DAGLB: variants seen among roughly 807,000 people sequenced by gnomAD.
DAGLB encodes diacylglycerol lipase beta.
DAGLB carries 66 observed loss-of-function variants against 72.1 expected under a neutral mutation model. The observed-to-expected ratio is 0.92, with a 90% CI of 0.75 to 1.12. The LOEUF (loss-of-function observed/expected upper bound fraction) is 1.12. Among genes scored for constraint, DAGLB ranks in the 50% most tolerant of loss-of-function variants. The pLI is 0.00. For missense variants in DAGLB, 1,065 were observed against 884.9 expected (o/e 1.20, Z -2.58); for synonymous variants, 414 against 359.5 (o/e 1.15, Z -1.71).
At chr7:6,412,479 G>GT (rs1158530289) in intron 13 of DAGLB, 2 of 227,396 alleles carry the variant, frequency 8.8e-6, no homozygotes, top group Non-Finnish European at 1.7e-5. Flanking sequence ...TTTTTTTTTA[G>GT]AATAGAGACA....
chr7:6,433,040 T>A, intron 4 of DAGLB, 81 bp from the exon 5 acceptor site: 1 of 1,534,894 alleles, frequency 6.5e-7, no homozygotes, highest in African/African-American at 1.4e-5. Context: ...TCTTCTATAG[T>A]TGATAGGCAT....
At chr7:6,432,105 C>G (rs952641335) in intron 5 of DAGLB, among the ~76,000 whole-genome samples, 17 of 152,180 alleles carry the variant, frequency 1.1e-4, no homozygotes, top group African/African-American at 3.9e-4. Context: ...AATCCCAGCA[C>G]TCTGGGAAGC....
At chr7:6,424,196 G>A (rs569468249) in intron 8 of DAGLB, among the ~76,000 whole-genome samples, 51 of 152,316 alleles carry the variant, frequency 3.3e-4, no homozygotes, top group South Asian at 1.7e-3. Flanking sequence ...CAAGGAAAGC[G>A]TCACCTGGCA....
Position 6,421,814 on chromosome 7 carries a change from G to A in DAGLB, c.1141-10C>T, listed in dbSNP as rs182826000. The A allele has an allele frequency of 1.6e-5, 26 of 1,612,164 alleles. No individual in the cohort carries two copies. Among genetic ancestry groups the A allele is most frequent in the Non-Finnish European group, 2.0e-5 (24 of 1,179,282 alleles). ...GGTCCGTAAGGACATCCTGTAAAAA[G>A]GGCGTTGCAGAAGCGGCCGTCAGCC... On this transcript the variant is annotated splice_polypyrimidine_tract_variant and intron_variant, in intron 8 of 14. Transcript: ENST00000297056.
At chr7:6,425,620 T>G (rs1277592372) in intron 7 of DAGLB, among the ~76,000 whole-genome samples, 1 of 151,924 alleles carries the variant, frequency 6.6e-6, no homozygotes, top group African/African-American at 2.4e-5. Context: ...CCCCCCAGAG[T>G]GCCAGACCTG....
At chr7:6,417,198 C>T (rs1783947157) in intron 9 of DAGLB, 1 of 377,844 alleles carries the variant, frequency 2.6e-6, no homozygotes, top group Non-Finnish European at 4.9e-6. Context: ...AGTTCAAGAC[C>T]AGCCTGGGCG....
rs868845432 is a variant in DAGLB, at chr7:6,411,074, C to T, written c.1570-694G>A. 6.6e-5 allele frequency among the ~76,000 whole-genome samples: 10 copies of T among 151,840 alleles called. No individual in the cohort carries two copies. In the South Asian group the frequency reaches 8.3e-4, roughly 13 times the overall value. On this transcript the variant is annotated intron_variant, in intron 13 of 14. Transcript: ENST00000297056. ...TAATTTTTTGTATTTTTAATAGAGA[C>T]GGGGTTTCACCGTGGTCTCTATCTC...
Position 6,413,050 on chromosome 7 carries a change from G to A in DAGLB, c.1428-16C>T. ...CAGAGCTTTGCTGAAATTCCAAACA[G>A]AGAGAGGATGTTAGCTTTACGATGA... On this transcript the variant is annotated splice_polypyrimidine_tract_variant and intron_variant, in intron 11 of 14. Transcript: ENST00000297056. 1 of 1,610,846 alleles carries A rather than the reference G, an allele frequency of 6.2e-7. No individual in the cohort carries two copies. Among genetic ancestry groups the A allele is most frequent in the Non-Finnish European group, 8.5e-7 (1 of 1,177,546 alleles).
In DAGLB at chr7:6,432,866, C is replaced by G. The variant is rs1184936601; in HGVS notation, c.772G>C (p.Val258Leu). The G allele has an allele frequency of 3.7e-6, 6 of 1,613,954 alleles. No homozygotes were observed. Among genetic ancestry groups the G allele is most frequent in the Non-Finnish European group, 5.1e-6 (6 of 1,180,024 alleles). Residue 258 changes from valine to leucine, a missense_variant, in exon 5 of 15, where the codon GTG becomes CTG. Val to Leu is a conservative substitution (Grantham distance 32). Transcript: ENST00000297056. ...NIRNNQEPAQVVCHAPGSSQE... is the reference protein window; with the variant it reads ...NIRNNQEPAQLVCHAPGSSQE... ...GAGCTCCCTGGGGCATGGCAGACCA[C>G]CTGGGCAGGCTCTTGGTTGTTCCTG... is the stretch of plus-strand genomic sequence containing the variant.
Position 6,447,739 on chromosome 7 carries a change from C to T in DAGLB, c.95+9G>A, listed in dbSNP as rs1204858628. On this transcript the variant is annotated intron_variant, in intron 1 of 14. Transcript: ENST00000297056. ...TGGGCTCCACCGCCCCCGTAGCCGC[C>T]GTCCTTACCACAGCACTCGCACGAC... is the stretch of plus-strand genomic sequence containing the variant. 1.2e-6 allele frequency: 2 copies of T among 1,610,958 alleles called. No individual in the cohort carries two copies. Among genetic ancestry groups the T allele is most frequent in the African/African-American group, 1.3e-5 (1 of 74,796 alleles).
chr7:6,432,319 G>C (rs550038701), intron 5 of DAGLB, among the ~76,000 whole-genome samples: 3 of 149,948 alleles, frequency 2.0e-5, no homozygotes, highest in Non-Finnish European at 3.0e-5. Flanking sequence ...ACTCCAGCCC[G>C]AGCAACAAGA....
intron 11 of DAGLB, chr7:6,416,146 T>C (rs1351159543): frequency 6.6e-6 from 1 of 152,330 alleles, no homozygotes; most frequent in African/African-American, 2.4e-5. Flanking sequence ...TAAAGTCTGT[T>C]TGAAAAAAGA....
At chr7:6,433,099 G>A in intron 4 of DAGLB, 140 bp from the exon 5 acceptor site, 1 of 1,305,874 alleles carries the variant, frequency 7.7e-7, no homozygotes, top group Non-Finnish European at 1.0e-6. Context: ...TAAAAAGACT[G>A]CTCCTGGCAG....
At chr7:6,411,819 A>G (rs1783738220) in intron 13 of DAGLB, among the ~76,000 whole-genome samples, 1 of 152,160 alleles carries the variant, frequency 6.6e-6, no homozygotes, top group Non-Finnish European at 1.5e-5. Flanking sequence ...ATATATCTGT[A>G]TCTCCTTGTC....
At chr7:6,427,373 A>G (rs1784346896) in intron 6 of DAGLB, among the ~76,000 whole-genome samples, 1 of 152,172 alleles carries the variant, frequency 6.6e-6, no homozygotes, top group African/African-American at 2.4e-5. Context: ...TATCAGGGCC[A>G]GGAGACTGAC....
At chr7:6,410,778 G>A (rs1304371928) in intron 13 of DAGLB, among the ~76,000 whole-genome samples, 1 of 152,052 alleles carries the variant, frequency 6.6e-6, no homozygotes, top group Non-Finnish European at 1.5e-5. Context: ...GCGTGATCTT[G>A]GCTCCACAAT....
intron 3 of DAGLB, 34 bp downstream of exon 3, chr7:6,436,328 C>T: frequency 6.3e-7 from 1 of 1,583,096 alleles, no homozygotes; most frequent in Non-Finnish European, 8.6e-7. Flanking sequence ...GCCTCAAATC[C>T]ACTGAAACTC....
intron 11 of DAGLB, among the ~76,000 whole-genome samples, chr7:6,413,940 G>C (rs1331092181): frequency 6.6e-6 from 1 of 152,220 alleles, no homozygotes; most frequent in Admixed American, 6.5e-5. Flanking sequence ...ACACAGACAC[G>C]CTTCCTTCCA....
chr7:6,445,836 AT>A (rs1784982271), intron 2 of DAGLB, 116 bp downstream of exon 2: 1 of 1,164,174 alleles, frequency 8.6e-7, no homozygotes, highest in Non-Finnish European at 1.2e-6. Flanking sequence ...CAACTCTGTG[AT>A]TATATTAAAA....
Sources: allele counts gnomAD v4.1 joint callset (sites outside exome capture counted in the v4.1 genomes callset), GRCh38; gene constraint gnomAD v4.1.1; transcripts MANE v1.5; gene names NCBI Gene and HGNC (gene_info 2026-07-23, HGNC 2026-07-21).